Variants in CSMD1 observed in about 807,000 individuals in gnomAD.
CSMD1 encodes CUB and sushi domain-containing protein 1.
Under a neutral mutation model 417.5 loss-of-function variants are expected in CSMD1, and 213 were observed. That is an observed-to-expected ratio of 0.51 (90% CI 0.46 to 0.57). The LOEUF is 0.57. Ranked by LOEUF, CSMD1 falls within the 20% of genes least tolerant of loss-of-function variation. CSMD1 has a pLI of 0.00. For missense variants in CSMD1, 6,923 were observed against 4,529.7 expected (o/e 1.53, Z -15.17); for synonymous variants, 2,862 against 1,736.8 (o/e 1.65, Z -16.11).
intron 5 of CSMD1, among the ~76,000 whole-genome samples, chr8:3,773,013 G>A (rs1427335887): frequency 6.6e-6 from 1 of 152,114 alleles, no homozygotes; most frequent in African/African-American, 2.4e-5. Context: ...TCAGAGGCAG[G>A]ACCTCCTCCC....
At chr8:4,641,524 T>G (rs1803187802) in intron 1 of CSMD1, among the ~76,000 whole-genome samples, 1 of 152,176 alleles carries the variant, frequency 6.6e-6, no homozygotes, top group Non-Finnish European at 1.5e-5. Flanking sequence ...ACCGTCTAAG[T>G]AGCCACACAT....
intron 2 of CSMD1, among the ~76,000 whole-genome samples, chr8:4,529,827 T>C (rs1418262835): frequency 4.6e-5 from 7 of 151,818 alleles, no homozygotes; most frequent in Non-Finnish European, 1.0e-4. Context: ...TAAATCAAAA[T>C]TCGTGCATAG....
intron 5 of CSMD1, among the ~76,000 whole-genome samples, chr8:3,961,145 T>C (rs919644137): frequency 2.0e-5 from 3 of 152,200 alleles, no homozygotes; most frequent in Non-Finnish European, 4.4e-5. Context: ...TTGCCCATAA[T>C]AGTCTCTGTA....
chr8:3,091,718 C>A, intron 47 of CSMD1, 56 bp from the exon 48 acceptor site: 1 of 1,517,374 alleles, frequency 6.6e-7, no homozygotes, highest in Non-Finnish European at 8.9e-7. Flanking sequence ...CTACCAAATG[C>A]ATACTAGGTT....
rs781401362 is a variant in CSMD1 at position 3,205,607 on chromosome 8, G to A, written c.4881C>T (p.Gly1627=). 2 of 1,550,856 alleles carry A rather than the reference G, an allele frequency of 1.3e-6. No individual in the cohort carries two copies. The highest frequency in any genetic ancestry group is 2.3e-5 in the South Asian group (2 of 85,152). ...CTACCCCTTCTGATCCCGTGTACTG[G>A]CCTCCACAGGGAGCTGAAAATAAAA... ...VLPSCNAPCG[G]QYTGSEGVVL... Residue 1627 remains glycine, a synonymous_variant, in exon 31 of 70, where the codon GGC becomes GGT. Transcript: ENST00000635120.
At chr8:4,671,890 C>A (rs933678748) in intron 1 of CSMD1, among the ~76,000 whole-genome samples, 2 of 152,070 alleles carry the variant, frequency 1.3e-5, no homozygotes, top group African/African-American at 4.8e-5. Context: ...AAGATAGAAA[C>A]CCTCCACTAA....
At chr8:3,678,785 G>A (rs1194216706) in intron 7 of CSMD1, among the ~76,000 whole-genome samples, 1 of 152,172 alleles carries the variant, frequency 6.6e-6, no homozygotes, top group South Asian at 2.1e-4. Context: ...TGCAGCCAGA[G>A]AGAAAGGTCG....
Position 4,728,726 on chromosome 8 carries a change from T to C in CSMD1, c.86-91168A>G, listed in dbSNP as rs551528737. ...ATTTCTATTTGTGATCGTATTTCAGTAGATGCTCAATTAATATTTCTAAAT... is the reference window on the plus strand; with the variant it reads ...ATTTCTATTTGTGATCGTATTTCAGCAGATGCTCAATTAATATTTCTAAAT... On this transcript the variant is annotated intron_variant, in intron 1 of 69. Transcript: ENST00000635120. Among the ~76,000 whole-genome samples the C allele has an allele frequency of 1.4e-4, 21 of 152,156 alleles. No individual in the cohort carries two copies. In the South Asian group the frequency reaches 4.2e-3, roughly 30 times the overall value.
chr8:3,371,570 G>C (rs187941535), intron 18 of CSMD1, among the ~76,000 whole-genome samples: 2 of 151,462 alleles, frequency 1.3e-5, no homozygotes, highest in African/African-American at 2.4e-5. Flanking sequence ...TGAAGTAAAT[G>C]ATACTCAGAA....
chr8:3,409,551 G>C lies in CSMD1; in HGVS notation c.1616C>G (p.Thr539Arg), dbSNP rs118011556. 3.1e-4 allele frequency: 494 copies of C among 1,610,382 alleles called. 4 individuals carry two copies. The East Asian group carries it at 0.01, about 34-fold the overall frequency. ...ATCTCCATGGAGGAAACTGCTGCCC[G>C]TCCGCTTCCCATAGGCGGGGATTCC... ...DPGIPAYGKR[T>R]GSSFLHGDTL... The change falls in exon 13 of 70, where the codon ACG becomes AGG. Residue 539 changes from threonine to arginine, a missense_variant. By Grantham distance (71) the Thr-to-Arg change is moderately conservative. Transcript: ENST00000635120.
chr8:3,821,936 G>A (rs773935825), intron 5 of CSMD1, among the ~76,000 whole-genome samples: 2 of 152,126 alleles, frequency 1.3e-5, no homozygotes, highest in Non-Finnish European at 2.9e-5. Context: ...ACATGGAGAG[G>A]TTTTCCTACA....
At chr8:2,957,286 G>T (rs1416072773) in intron 63 of CSMD1, among the ~76,000 whole-genome samples, 2 of 152,162 alleles carry the variant, frequency 1.3e-5, no homozygotes, top group Non-Finnish European at 2.9e-5. Flanking sequence ...GTAATTTGAT[G>T]TAAATATCCT....
intron 5 of CSMD1, among the ~76,000 whole-genome samples, chr8:3,985,107 T>G (rs1028798727): frequency 6.6e-6 from 1 of 152,018 alleles, no homozygotes; most frequent in African/African-American, 2.4e-5. Flanking sequence ...GGACTTGTCA[T>G]GAAGAATTAC....
intron 19 of CSMD1, 76 bp from the exon 20 acceptor site, chr8:3,367,323 G>C: frequency 1.1e-6 from 1 of 910,702 alleles, no homozygotes; most frequent in Non-Finnish European, 1.7e-6. Flanking sequence ...GAGGGAGCGG[G>C]GCAGAGAGAG....
intron 10 of CSMD1, among the ~76,000 whole-genome samples, chr8:3,497,464 T>C (rs1381005025): frequency 6.6e-6 from 1 of 152,190 alleles, no homozygotes; most frequent in Non-Finnish European, 1.5e-5. Context: ...TGGAGTGCAG[T>C]GGTGCAATCT....
intron 8 of CSMD1, among the ~76,000 whole-genome samples, chr8:3,600,126 G>GAC (rs370551643): frequency 1.5e-4 from 23 of 152,176 alleles, no homozygotes; most frequent in African/African-American, 4.8e-4. Flanking sequence ...ATTAATTTAA[G>GAC]ACACACACAC....
At chr8:3,079,512 AT>A (rs1813930123) in intron 49 of CSMD1, among the ~76,000 whole-genome samples, 1 of 152,260 alleles carries the variant, frequency 6.6e-6, no homozygotes, top group South Asian at 2.1e-4. Context: ...ATATAAAAAA[AT>A]CAAGATAAAA....
intron 24 of CSMD1, among the ~76,000 whole-genome samples, chr8:3,308,111 A>G (rs928794129): frequency 3.3e-5 from 5 of 152,110 alleles, no homozygotes; most frequent in Admixed American, 1.3e-4. Flanking sequence ...TATAGTCTCC[A>G]TAACAGAATA....
At chr8:4,851,511 C>T (rs1213812749) in intron 1 of CSMD1, among the ~76,000 whole-genome samples, 2 of 151,982 alleles carry the variant, frequency 1.3e-5, no homozygotes, top group Non-Finnish European at 2.9e-5. Context: ...GCTTCTCACT[C>T]CCCTATACAT....
Sources: allele counts gnomAD v4.1 joint callset (sites outside exome capture counted in the v4.1 genomes callset), GRCh38; gene constraint gnomAD v4.1.1; transcripts MANE v1.5; gene names NCBI Gene and HGNC (gene_info 2026-07-23, HGNC 2026-07-21).